The following WDR72 variants were observed in gnomAD, a reference collection of about 807,000 sequenced individuals.
The protein encoded by WDR72 is WD repeat-containing protein 72.
Under a neutral mutation model 124.2 loss-of-function variants are expected in WDR72, and 120 were observed. The observed-to-expected ratio is 0.97, with a 90% confidence interval of 0.83 to 1.12. The LOEUF (loss-of-function observed/expected upper bound fraction) is 1.12. Among genes scored for constraint, WDR72 ranks in the 50% most tolerant of loss-of-function variants. WDR72 has a pLI of 0.00. For synonymous variants in WDR72, 452 were observed against 441.7 expected (o/e 1.02, Z -0.29); for missense variants, 1,387 against 1,278.8 (o/e 1.08, Z -1.29).
At chr15:53,700,211 C>T (rs892539890) in intron 12 of WDR72, among the ~76,000 whole-genome samples, 1 of 152,090 alleles carries the variant, frequency 6.6e-6, no homozygotes, top group Non-Finnish European at 1.5e-5. Context: ...AAGGACTTGA[C>T]CATCACTCAG....
intron 18 of WDR72, among the ~76,000 whole-genome samples, chr15:53,576,845 A>G (rs2011641728): frequency 6.6e-6 from 1 of 152,132 alleles, no homozygotes; most frequent in South Asian, 2.1e-4. Flanking sequence ...TTCTCTTCCT[A>G]TCTGCCATGA....
chr15:53,694,207 C>A (rs2016931820), intron 13 of WDR72, among the ~76,000 whole-genome samples: 1 of 152,214 alleles, frequency 6.6e-6, no homozygotes, highest in Non-Finnish European at 1.5e-5. Flanking sequence ...TTTCCATGGT[C>A]TGTGCAGAGA....
In WDR72 at chr15:53,516,757, A is replaced by G. The variant is rs1346627824; in HGVS notation, c.*942T>C. ...ATATTTATATACATAAGATATGTAG[A>G]TTAATAATTTTGATGATTTTCTGTA... On this transcript the variant is annotated 3_prime_UTR_variant, in exon 20 of 20. Transcript: ENST00000360509. 2 of 152,080 alleles carry G rather than the reference A, an allele frequency of 1.3e-5. No individual in the cohort carries two copies. Among genetic ancestry groups the G allele is most frequent in the Non-Finnish European group, 2.9e-5 (2 of 67,988 alleles). 9.4% of individuals were successfully genotyped at this position (152,080 alleles called of 1,614,324 possible). A position where few individuals can be genotyped will look rare whatever the true frequency, so the allele number is the denominator to read the frequency against.
intron 1 of WDR72, among the ~76,000 whole-genome samples, chr15:53,757,551 G>A (rs2018942067): frequency 6.6e-6 from 1 of 151,802 alleles, no homozygotes; most frequent in African/African-American, 2.4e-5. Flanking sequence ...TGAGCCCAGG[G>A]ACCAGAGGGT....
chr15:53,598,778 C>T (rs566526797), intron 17 of WDR72, among the ~76,000 whole-genome samples: 3 of 152,084 alleles, frequency 2.0e-5, no homozygotes, highest in Non-Finnish European at 4.4e-5. Context: ...ACTGCCTAAT[C>T]GCAATGCAAG....
chr15:53,561,829 C>T (rs1176410915), intron 18 of WDR72, among the ~76,000 whole-genome samples: 1 of 151,784 alleles, frequency 6.6e-6, no homozygotes, highest in Non-Finnish European at 1.5e-5. Flanking sequence ...GGCTCAACCA[C>T]TGATATTTTT....
At chr15:53,726,177 A>AATATATAT (rs34029897) in intron 2 of WDR72, among the ~76,000 whole-genome samples, 3 of 140,296 alleles carry the variant, frequency 2.1e-5, no homozygotes, top group Non-Finnish European at 4.5e-5. Flanking sequence ...AATTGGTTGT[A>AATATATAT]ATATATATAT....
chr15:53,538,070 T>C lies in WDR72; in HGVS notation c.3149-14748A>G, dbSNP rs569645235. On this transcript the variant is annotated intron_variant, in intron 18 of 19. Coordinates refer to ENST00000360509, the MANE Select transcript of WDR72 (RefSeq NM_182758.4). ...CTGACCAGATAACATAGAACCTCAT[T>C]GGAAAGTTATTCTAAATAGCTTTTT... 1.7e-3 allele frequency among the ~76,000 whole-genome samples: 263 copies of C among 152,280 alleles called. 2 individuals are homozygous for C. The highest frequency in any genetic ancestry group is 6.0e-3 in the African/African-American group (250 of 41,568).
At chr15:53,595,642 G>A (rs1221646825) in intron 18 of WDR72, among the ~76,000 whole-genome samples, 1 of 152,136 alleles carries the variant, frequency 6.6e-6, no homozygotes, top group Non-Finnish European at 1.5e-5. Context: ...AACACTAGCT[G>A]ACTTGGGAGA....
chr15:53,711,693 T>C (rs1309398976), intron 7 of WDR72, among the ~76,000 whole-genome samples: 1 of 152,202 alleles, frequency 6.6e-6, no homozygotes, highest in Non-Finnish European at 1.5e-5. Context: ...TCTGGTTATA[T>C]CATTCCAGAG....
chr15:53,551,339 C>T (rs1054287901), intron 18 of WDR72, among the ~76,000 whole-genome samples: 1 of 152,086 alleles, frequency 6.6e-6, no homozygotes, highest in Non-Finnish European at 1.5e-5. Flanking sequence ...AAATAATTCA[C>T]GCAGAATTGG....
chr15:53,650,504 G>A (rs867392095), intron 14 of WDR72, among the ~76,000 whole-genome samples: 1 of 152,158 alleles, frequency 6.6e-6, no homozygotes, highest in African/African-American at 2.4e-5. Flanking sequence ...ACAAGTCATA[G>A]TTAACCTTCC....
At chr15:53,710,564 G>A (rs369523066) in intron 9 of WDR72, among the ~76,000 whole-genome samples, 15 of 151,932 alleles carry the variant, frequency 9.9e-5, no homozygotes, top group South Asian at 8.3e-4. Flanking sequence ...TATGTACTGC[G>A]GTGAAATTAG....
At chr15:53,600,819 A>G (rs1432739809) in intron 17 of WDR72, among the ~76,000 whole-genome samples, 1 of 152,192 alleles carries the variant, frequency 6.6e-6, no homozygotes, top group Non-Finnish European at 1.5e-5. Flanking sequence ...CAGTGGTGTT[A>G]GATTATAAAA....
intron 7 of WDR72, among the ~76,000 whole-genome samples, 190 bp downstream of exon 7, chr15:53,712,582 G>A (rs1427626650): frequency 1.4e-5 from 2 of 146,506 alleles, no homozygotes; most frequent in Non-Finnish European, 3.0e-5. Flanking sequence ...GAAACAGAGT[G>A]AGACTGTCAA....
At chr15:53,740,256 TATCCC>T (rs917524220) in intron 1 of WDR72, among the ~76,000 whole-genome samples, 4 of 152,030 alleles carry the variant, frequency 2.6e-5, no homozygotes, top group African/African-American at 7.2e-5. Context: ...GCATATTGCC[TATCCC>T]ATAGCAGAAA....
chr15:53,551,607 C>A (rs1283850007), intron 18 of WDR72, among the ~76,000 whole-genome samples: 1 of 152,052 alleles, frequency 6.6e-6, no homozygotes. Context: ...TGCAAACATA[C>A]AATTCTTATG....
intron 18 of WDR72, among the ~76,000 whole-genome samples, chr15:53,540,644 A>C (rs1893049072): frequency 6.6e-6 from 1 of 152,104 alleles, no homozygotes; most frequent in South Asian, 2.1e-4. Flanking sequence ...GGAGGAGCCA[A>C]GATGGCTGAA....
At chr15:53,605,107 G>A (rs2013219285) in intron 17 of WDR72, among the ~76,000 whole-genome samples, 1 of 152,210 alleles carries the variant, frequency 6.6e-6, no homozygotes, top group Non-Finnish European at 1.5e-5. Flanking sequence ...ATCAATGGTA[G>A]ACTGGATAAA....
Sources: gnomAD v4.1 joint callset for allele counts (sites outside exome capture counted in the v4.1 genomes callset) on GRCh38, gnomAD v4.1.1 for gene constraint, MANE v1.5 for transcripts, NCBI Gene and HGNC (gene_info 2026-07-23, HGNC 2026-07-21) for gene names.